Variants in FARSB observed in about 807,000 individuals in gnomAD.
FARSB encodes phenylalanine--tRNA ligase beta subunit.
In FARSB, 40 loss-of-function variants were observed where a neutral mutation model predicts 69.6. The observed-to-expected ratio is 0.57, with a 90% CI of 0.45 to 0.75. The LOEUF is 0.75. Ranked by LOEUF, FARSB falls within the 30% of genes least tolerant of loss-of-function variation. FARSB has a pLI of 0.00. For missense variants in FARSB, 632 were observed against 722.9 expected, an observed-to-expected ratio of 0.87 and a Z score of 1.44; for synonymous variants, 235 against 247.2, an observed-to-expected ratio of 0.95 and a Z score of 0.46.
intron 15 of FARSB, among the ~76,000 whole-genome samples, chr2:222,609,483 C>T (rs1690788402): frequency 6.6e-6 from 1 of 152,220 alleles, no homozygotes; most frequent in African/African-American, 2.4e-5. Flanking sequence ...TACCCCACAG[C>T]AGAGTCTGCA....
intron 15 of FARSB, among the ~76,000 whole-genome samples, chr2:222,602,599 C>T (rs1404724136): frequency 6.6e-6 from 1 of 151,076 alleles, no homozygotes; most frequent in African/African-American, 2.4e-5. Context: ...CCATATTATC[C>T]AGTAATTCTA....
intron 16 of FARSB, among the ~76,000 whole-genome samples, chr2:222,596,463 T>G (rs1470291811): frequency 6.6e-6 from 1 of 152,150 alleles, no homozygotes; most frequent in African/African-American, 2.4e-5. Context: ...AACTGACATA[T>G]GCAGGAATCT....
chr2:222,632,676 C>A (rs527770259), intron 7 of FARSB, among the ~76,000 whole-genome samples: 2 of 152,060 alleles, frequency 1.3e-5, no homozygotes, highest in African/African-American at 4.8e-5. Flanking sequence ...AGGCCAGGCA[C>A]GGCAGCTCAC....
intron 1 of FARSB, 52 bp from the exon 2 acceptor site, chr2:222,648,847 AAAACTACATAC>A (rs758225247): frequency 8.5e-7 from 1 of 1,169,724 alleles, no homozygotes; most frequent in East Asian, 2.3e-5. Flanking sequence ...AGTATAAGTG[AAAACTACATAC>A]AAACTGCATT....
chr2:222,603,528 T>C (rs1340855237), intron 15 of FARSB, among the ~76,000 whole-genome samples: 1 of 151,608 alleles, frequency 6.6e-6, no homozygotes, highest in African/African-American at 2.4e-5. Context: ...TCTTATTTAA[T>C]TCTCAAGACA....
rs569794985 is a variant in FARSB, at chr2:222,616,453, A to G, written c.1345-2525T>C. Among the ~76,000 whole-genome samples the G allele has an allele frequency of 9.4e-5, 14 of 149,606 alleles. No homozygotes were observed. In the East Asian group the frequency reaches 2.8e-3, roughly 30 times the overall value. ...TCCCAGCTACTCGGGAGGCTGAGGC[A>G]GGAGAATTGCTTGAACCCAGAAGGC... On this transcript the variant is annotated intron_variant, in intron 14 of 16. Coordinates refer to ENST00000281828, the MANE Select transcript of FARSB (RefSeq NM_005687.5).
At chr2:222,586,395 A>G (rs916203399) in intron 16 of FARSB, among the ~76,000 whole-genome samples, 2 of 152,246 alleles carry the variant, frequency 1.3e-5, no homozygotes, top group African/African-American at 4.8e-5. Flanking sequence ...GGTACCAGCC[A>G]CTGCAAAAAC....
intron 16 of FARSB, among the ~76,000 whole-genome samples, chr2:222,592,186 G>A (rs1690290842): frequency 6.6e-6 from 1 of 152,162 alleles, no homozygotes; most frequent in South Asian, 2.1e-4. Context: ...GCCATAGTAA[G>A]TGCTCCAGGG....
intron 9 of FARSB, 103 bp from the exon 10 acceptor site, chr2:222,628,991 C>A: frequency 1.3e-6 from 1 of 772,520 alleles, no homozygotes; most frequent in South Asian, 1.5e-5. Flanking sequence ...ACAACTACAG[C>A]CTCAACATAC....
chr2:222,633,747 A>C (rs1399665425), intron 6 of FARSB, among the ~76,000 whole-genome samples: 1 of 152,072 alleles, frequency 6.6e-6, no homozygotes, highest in Non-Finnish European at 1.5e-5. Flanking sequence ...CCCAAATTAA[A>C]GAAAGCTCTA....
At chr2:222,616,605 G>A (rs1197515306) in intron 14 of FARSB, among the ~76,000 whole-genome samples, 1 of 151,298 alleles carries the variant, frequency 6.6e-6, no homozygotes, top group Non-Finnish European at 1.5e-5. Context: ...CTGGATATGT[G>A]AGGTGATTAA....
intron 16 of FARSB, among the ~76,000 whole-genome samples, chr2:222,594,428 T>C (rs1690359257): frequency 6.6e-6 from 1 of 152,196 alleles, no homozygotes; most frequent in African/African-American, 2.4e-5. Flanking sequence ...TTAATCATTT[T>C]TAAATTTAAC....
At position 222,640,871 on chromosome 2, in the gene FARSB, G is replaced by A. The variant is rs769692214; in HGVS notation, c.330C>T (p.Ile110=). The change falls in exon 4 of 17, where the codon ATC becomes ATT. Residue 110 remains isoleucine (I), a synonymous_variant. Transcript: ENST00000281828. The part of the protein sequence containing the change: ...MPDGKIQKLI[I]TEETAKIRPF... Reference sequence around the variant, plus strand: ...AATTTGTCCTTATTACCTCTTCTGTGATAATCAATTTCTGGATTTTTCCAT... The same window carrying A: ...AATTTGTCCTTATTACCTCTTCTGTAATAATCAATTTCTGGATTTTTCCAT... The A allele has an allele frequency of 1.3e-6, 2 of 1,543,274 alleles. No individual in the cohort carries two copies. Among genetic ancestry groups the A allele is most frequent in the Non-Finnish European group, 8.9e-7 (1 of 1,124,788 alleles).
chr2:222,588,761 T>C (rs1354458067), intron 16 of FARSB, among the ~76,000 whole-genome samples: 3 of 152,140 alleles, frequency 2.0e-5, no homozygotes, highest in Non-Finnish European at 4.4e-5. Flanking sequence ...CCATTCACAA[T>C]TGCTACAAAG....
intron 15 of FARSB, among the ~76,000 whole-genome samples, chr2:222,604,009 G>A (rs912316985): frequency 4.0e-5 from 6 of 151,898 alleles, no homozygotes; most frequent in Non-Finnish European, 7.4e-5. Context: ...AAGGTCAGGA[G>A]ATCGAGACCA....
chr2:222,569,353 A>G lies in FARSB; in HGVS notation c.*2518T>C, dbSNP rs960486383. ...AACAAGGGCTATCATATGATGATCC[A>G]TAAGCCATGATTTTAACTAGAGCGA... On this transcript the variant is annotated 3_prime_UTR_variant, in exon 17 of 17. Coordinates refer to ENST00000281828, the MANE Select transcript of FARSB (RefSeq NM_005687.5). The G allele has an allele frequency of 1.3e-5, 2 of 152,220 alleles. No individual in the cohort carries two copies. Among genetic ancestry groups the G allele is most frequent in the Non-Finnish European group, 2.9e-5 (2 of 68,036 alleles). 9.4% of individuals were successfully genotyped at this position (152,220 alleles called of 1,614,324 possible).
chr2:222,614,097 T>C (rs1328205171), intron 14 of FARSB, among the ~76,000 whole-genome samples, 169 bp from the exon 15 acceptor site: 1 of 152,148 alleles, frequency 6.6e-6, no homozygotes, highest in African/African-American at 2.4e-5. Flanking sequence ...TCCAGGACAC[T>C]GAAATTGAAC....
intron 2 of FARSB, among the ~76,000 whole-genome samples, chr2:222,648,338 G>A (rs983727162): frequency 1.3e-5 from 2 of 152,172 alleles, no homozygotes; most frequent in Non-Finnish European, 2.9e-5. Context: ...GGAAGGTTAT[G>A]GGGGCAGAGG....
chr2:222,594,505 T>C (rs1182360201), intron 16 of FARSB, among the ~76,000 whole-genome samples: 1 of 152,204 alleles, frequency 6.6e-6, no homozygotes, highest in Admixed American at 6.5e-5. Flanking sequence ...TTACACTTAC[T>C]ATTTTTATGT....
Sources: gnomAD v4.1 joint callset for allele counts (sites outside exome capture counted in the v4.1 genomes callset) on GRCh38, gnomAD v4.1.1 for gene constraint, MANE v1.5 for transcripts, NCBI Gene and HGNC (gene_info 2026-07-23, HGNC 2026-07-21) for gene names.